CCDC192: variants seen among roughly 807,000 people sequenced by gnomAD.
CCDC192 encodes coiled-coil domain-containing protein 192.
intron 5 of CCDC192, among the ~76,000 whole-genome samples, chr5:127,831,922 GTAAA>G (rs1471466793): frequency 1.3e-5 from 2 of 151,796 alleles, no homozygotes; most frequent in African/African-American, 4.8e-5. Flanking sequence ...TTTTAAAACT[GTAAA>G]TAAGTTAAAT....
At chr5:127,848,771 T>C (rs568026412) in intron 5 of CCDC192, among the ~76,000 whole-genome samples, 1 of 152,356 alleles carries the variant, frequency 6.6e-6, no homozygotes, top group South Asian at 2.1e-4. Context: ...TAGCTATCAT[T>C]ATTACTTCAG....
At chr5:127,775,091 T>G (rs542448205) in intron 3 of CCDC192, among the ~76,000 whole-genome samples, 1 of 152,332 alleles carries the variant, frequency 6.6e-6, no homozygotes, top group South Asian at 2.1e-4. Flanking sequence ...TTTCCCTGTA[T>G]TTCTGATACT....
rs550194009 is a variant in CCDC192 at position 127,741,129 on chromosome 5, C to T, written c.115-13139C>T. ...AAGCTGGAGTGCAGTGGCGTAATCT[C>T]GGCTCACTGCAGCCTCCACTTCCCA... On this transcript the variant is annotated intron_variant, in intron 2 of 6. Transcript: ENST00000514853. Among the ~76,000 whole-genome samples, 28 of 152,166 alleles carry T rather than the reference C, an allele frequency of 1.8e-4. No individual in the cohort carries two copies. In the South Asian group the frequency reaches 2.5e-3, roughly 14 times the overall value.
intron 6 of CCDC192, among the ~76,000 whole-genome samples, chr5:127,919,534 T>C (rs1173883582): frequency 6.6e-6 from 1 of 152,194 alleles, no homozygotes; most frequent in Non-Finnish European, 1.5e-5. Context: ...ACCGTAATGG[T>C]AGAGTCACTC....
chr5:127,863,322 T>A (rs1751453970), intron 5 of CCDC192, among the ~76,000 whole-genome samples: 1 of 152,168 alleles, frequency 6.6e-6, no homozygotes, highest in Non-Finnish European at 1.5e-5. Flanking sequence ...GTATTCAGCT[T>A]TAAACAGGAA....
chr5:127,885,122 A>AT (rs1199006008), intron 6 of CCDC192, among the ~76,000 whole-genome samples: 1 of 151,618 alleles, frequency 6.6e-6, no homozygotes, highest in East Asian at 1.9e-4. Flanking sequence ...TTTGTTTAAA[A>AT]AAAAAAAGTC....
At chr5:127,921,630 A>G (rs1266206877) in intron 6 of CCDC192, among the ~76,000 whole-genome samples, 1 of 152,206 alleles carries the variant, frequency 6.6e-6, no homozygotes, top group Non-Finnish European at 1.5e-5. Flanking sequence ...TTCATTAATT[A>G]TATGGATTAA....
At chr5:127,819,187 C>A (rs1260558800) in intron 5 of CCDC192, among the ~76,000 whole-genome samples, 4 of 152,112 alleles carry the variant, frequency 2.6e-5, no homozygotes, top group Admixed American at 2.6e-4. Flanking sequence ...TAAATTAAGC[C>A]ACCATTGAAA....
At chr5:127,711,623 A>G (rs1751342490) in intron 2 of CCDC192, among the ~76,000 whole-genome samples, 1 of 152,180 alleles carries the variant, frequency 6.6e-6, no homozygotes, top group Non-Finnish European at 1.5e-5. Flanking sequence ...ATGACTTTCA[A>G]AAGATTCTTT....
intron 6 of CCDC192, among the ~76,000 whole-genome samples, chr5:127,890,420 G>C (rs1228978444): frequency 6.7e-6 from 1 of 148,714 alleles, no homozygotes; most frequent in South Asian, 2.1e-4. Flanking sequence ...ACTCCAGCCT[G>C]GTCAACAGAA....
At chr5:127,874,386 G>C (rs973010205) in intron 5 of CCDC192, among the ~76,000 whole-genome samples, 1 of 152,180 alleles carries the variant, frequency 6.6e-6, no homozygotes, top group Non-Finnish European at 1.5e-5. Context: ...CCTCCCAAAG[G>C]TTTAGATCTC....
chr5:127,800,976 C>CA (rs1757476248), intron 5 of CCDC192, among the ~76,000 whole-genome samples: 1 of 152,130 alleles, frequency 6.6e-6, no homozygotes, highest in Admixed American at 6.6e-5. Flanking sequence ...GAGCCCCCCA[C>CA]AACCCCACTC....
At chr5:127,791,363 T>C (rs1263755449) in intron 3 of CCDC192, among the ~76,000 whole-genome samples, 1 of 152,160 alleles carries the variant, frequency 6.6e-6, no homozygotes, top group Non-Finnish European at 1.5e-5. Context: ...TACTGATATA[T>C]TTTGGAATTA....
intron 6 of CCDC192, among the ~76,000 whole-genome samples, chr5:127,901,205 C>T (rs1298690888): frequency 2.0e-5 from 3 of 152,082 alleles, no homozygotes; most frequent in African/African-American, 7.2e-5. Flanking sequence ...GAAATTCATT[C>T]CACATTGTTT....
chr5:127,918,216 T>TA (rs1219307107), intron 6 of CCDC192, among the ~76,000 whole-genome samples: 6,097 of 100,370 alleles, frequency 0.061, 277 homozygotes, highest in African/African-American at 0.084. Flanking sequence ...CTTCAATTTG[T>TA]AAAAAAAAAA....
At chr5:127,795,414 C>T (rs1332224429) in intron 3 of CCDC192, among the ~76,000 whole-genome samples, 1 of 151,832 alleles carries the variant, frequency 6.6e-6, no homozygotes, top group African/African-American at 2.4e-5. Flanking sequence ...TGATATGTTC[C>T]AGGCATTGTT....
chr5:127,785,345 G>A (rs1415322519), intron 3 of CCDC192: 3 of 441,154 alleles, frequency 6.8e-6, no homozygotes, highest in East Asian at 1.1e-4. Context: ...TGAAATCCCA[G>A]TCTAGGGGTT....
chr5:127,749,061 C>A (rs547960820), intron 2 of CCDC192, among the ~76,000 whole-genome samples: 2 of 152,146 alleles, frequency 1.3e-5, no homozygotes, highest in Non-Finnish European at 2.9e-5. Flanking sequence ...CAAACAGGGA[C>A]AATTTGACTT....
intron 2 of CCDC192, among the ~76,000 whole-genome samples, chr5:127,753,079 C>T (rs1024687014): frequency 2.0e-5 from 3 of 152,146 alleles, no homozygotes; most frequent in South Asian, 2.1e-4. Flanking sequence ...TCTTCTGCGT[C>T]GCTCAGGCTG....
Sources: gnomAD v4.1 joint callset for allele counts (sites outside exome capture counted in the v4.1 genomes callset) on GRCh38, gnomAD v4.1.1 for gene constraint, MANE v1.5 for transcripts, NCBI Gene and HGNC (gene_info 2026-07-23, HGNC 2026-07-21) for gene names.